The following MACROD2 variants were observed in gnomAD, a reference collection of about 807,000 sequenced individuals.
MACROD2 encodes ADP-ribose glycohydrolase MACROD2.
In MACROD2, 36 loss-of-function variants were observed where a neutral mutation model predicts 70.4. The observed-to-expected ratio is 0.51, with a 90% CI of 0.39 to 0.68. The LOEUF (loss-of-function observed/expected upper bound fraction) is 0.68, where lower values mean the gene tolerates loss of function less well. Among genes scored for constraint, MACROD2 ranks in the 30% least tolerant of loss-of-function variants. The pLI is 0.00. For missense variants in MACROD2, 496 were observed against 538.4 expected, an observed-to-expected ratio of 0.92 and a Z score of 0.78; for synonymous variants, 172 against 178.8, an observed-to-expected ratio of 0.96 and a Z score of 0.30.
intron 3 of MACROD2, among the ~76,000 whole-genome samples, chr20:14,415,032 A>G (rs35554517): frequency 0.15 from 23,228 of 151,960 alleles, 2,480 homozygotes; most frequent in Non-Finnish European, 0.23. Flanking sequence ...TCTACTAGGG[A>G]ATATATAAGT....
chr20:15,527,817 AT>A (rs1333422260), intron 8 of MACROD2, among the ~76,000 whole-genome samples: 1 of 152,058 alleles, frequency 6.6e-6, no homozygotes, highest in East Asian at 1.9e-4. Context: ...AGATTCTCAT[AT>A]TTTCCAAATC....
intron 6 of MACROD2, among the ~76,000 whole-genome samples, chr20:15,351,142 G>A (rs927128223): frequency 1.3e-5 from 2 of 151,898 alleles, no homozygotes; most frequent in Non-Finnish European, 2.9e-5. Context: ...GTGGTACAGG[G>A]GAAGATGTTA....
chr20:15,603,808 A>C (rs2048857350), intron 8 of MACROD2, among the ~76,000 whole-genome samples: 1 of 152,228 alleles, frequency 6.6e-6, no homozygotes, highest in African/African-American at 2.4e-5. Context: ...TTCAACCTGC[A>C]GACCTTTTAG....
chr20:14,160,984 C>G (rs575226311), intron 3 of MACROD2, among the ~76,000 whole-genome samples: 20 of 151,980 alleles, frequency 1.3e-4, no homozygotes, highest in Non-Finnish European at 2.8e-4. Flanking sequence ...AAACCTTCAC[C>G]CCCTTACACC....
At chr20:15,693,842 G>A (rs1291196156) in intron 8 of MACROD2, among the ~76,000 whole-genome samples, 1 of 151,888 alleles carries the variant, frequency 6.6e-6, no homozygotes, top group Non-Finnish European at 1.5e-5. Context: ...TACCATATTT[G>A]TAGTCTTTTA....
chr20:14,050,920 C>G (rs2053558069), intron 2 of MACROD2, among the ~76,000 whole-genome samples: 1 of 152,074 alleles, frequency 6.6e-6, no homozygotes, highest in Non-Finnish European at 1.5e-5. Flanking sequence ...GGGCACGGAA[C>G]CAGGTCTTCA....
intron 6 of MACROD2, among the ~76,000 whole-genome samples, chr20:15,378,243 G>A (rs1173889252): frequency 6.9e-6 from 1 of 144,702 alleles, no homozygotes; most frequent in Non-Finnish European, 1.5e-5. Context: ...TATGAGAAAG[G>A]CTTTCTAACT....
chr20:14,508,503 C>A (rs1261993986), intron 4 of MACROD2, among the ~76,000 whole-genome samples: 3 of 151,992 alleles, frequency 2.0e-5, no homozygotes, highest in Non-Finnish European at 4.4e-5. Context: ...CAGCGGCCAA[C>A]AATAAACCCA....
At chr20:14,545,997 G>C (rs1447368872) in intron 4 of MACROD2, among the ~76,000 whole-genome samples, 8 of 152,116 alleles carry the variant, frequency 5.3e-5, no homozygotes, top group African/African-American at 4.8e-5. Flanking sequence ...ACTGTAATCA[G>C]TGTTTCATTT....
intron 8 of MACROD2, among the ~76,000 whole-genome samples, chr20:15,572,221 A>G (rs1039799317): frequency 7.9e-5 from 12 of 152,108 alleles, no homozygotes; most frequent in Non-Finnish European, 1.8e-4. Context: ...TATCCTGGAA[A>G]TGACAGCATG....
At chr20:15,797,270 C>T (rs1194338786) in intron 8 of MACROD2, among the ~76,000 whole-genome samples, 7 of 152,154 alleles carry the variant, frequency 4.6e-5, no homozygotes, top group African/African-American at 7.2e-5. Flanking sequence ...TCCGCTACCA[C>T]GCCCGGCTAA....
intron 3 of MACROD2, among the ~76,000 whole-genome samples, chr20:14,109,365 TA>T (rs1266143598): frequency 1.3e-5 from 2 of 151,142 alleles, no homozygotes; most frequent in Non-Finnish European, 3.0e-5. Context: ...CAAGAGCAAA[TA>T]AAACCCAAAA....
intron 4 of MACROD2, among the ~76,000 whole-genome samples, chr20:14,609,862 A>G (rs1486235557): frequency 1.3e-5 from 2 of 152,152 alleles, no homozygotes; most frequent in Non-Finnish European, 2.9e-5. Context: ...ATGGAGAGAA[A>G]ATCCCAAGAA....
In MACROD2 at chr20:15,575,512, A is replaced by C. The variant is rs1168098148; in HGVS notation, c.645+75665A>C. 2.6e-5 allele frequency among the ~76,000 whole-genome samples: 4 copies of C among 152,166 alleles called. No individual in the cohort carries two copies. The South Asian group carries it at 8.3e-4, about 32-fold the overall frequency. ...TCTTACTGAGAGCCCTGGGCAGTGG[A>C]GGCAGAAAGGAGAAATGATGGATTA... On this transcript the variant is annotated intron_variant, in intron 8 of 17. Coordinates refer to ENST00000684519, the MANE Select transcript of MACROD2 (RefSeq NM_001351661.2).
At chr20:15,734,667 G>A (rs2050994604) in intron 8 of MACROD2, among the ~76,000 whole-genome samples, 1 of 152,114 alleles carries the variant, frequency 6.6e-6, no homozygotes. Context: ...TCAACAAGAT[G>A]CCTTTTACCT....
At chr20:15,876,946 C>T (rs769272685) in intron 9 of MACROD2, among the ~76,000 whole-genome samples, 3 of 152,100 alleles carry the variant, frequency 2.0e-5, no homozygotes, top group Non-Finnish European at 4.4e-5. Context: ...TTGCTGGTCA[C>T]TCCATAATCC....
At chr20:15,678,363 CTT>C (rs534273474) in intron 8 of MACROD2, among the ~76,000 whole-genome samples, 11 of 143,642 alleles carry the variant, frequency 7.7e-5, no homozygotes, top group Non-Finnish European at 7.7e-5. Context: ...AAGGCCCCAT[CTT>C]TTTTTTTTTT....
chr20:14,927,530 T>G (rs2074247651), intron 5 of MACROD2, among the ~76,000 whole-genome samples: 1 of 152,240 alleles, frequency 6.6e-6, no homozygotes, highest in Non-Finnish European at 1.5e-5. Flanking sequence ...CATTCTTTCA[T>G]GCAGCTAATA....
At chr20:15,983,016 G>A (rs2066424203) in intron 13 of MACROD2, among the ~76,000 whole-genome samples, 2 of 152,214 alleles carry the variant, frequency 1.3e-5, no homozygotes, top group South Asian at 2.1e-4. Flanking sequence ...CTGACATATA[G>A]AGTGTAAAGA....
Sources: allele counts gnomAD v4.1 joint callset (sites outside exome capture counted in the v4.1 genomes callset), GRCh38; gene constraint gnomAD v4.1.1; transcripts MANE v1.5; gene names NCBI Gene and HGNC (gene_info 2026-07-23, HGNC 2026-07-21).